The following XKR7 variants were observed in gnomAD, a reference collection of about 807,000 sequenced individuals.
XKR7 encodes XK related 7.
In XKR7, 11 loss-of-function variants were observed where a neutral mutation model predicts 42.2. The observed-to-expected ratio is 0.26, with a 90% CI of 0.16 to 0.43. The LOEUF is 0.43. Among genes scored for constraint, XKR7 ranks in the 20% least tolerant of loss-of-function variants. XKR7 has a pLI of 1.00. For synonymous variants in XKR7, 346 were observed against 366.4 expected, an observed-to-expected ratio of 0.94 and a Z score of 0.64; for missense variants, 710 against 802.2, an observed-to-expected ratio of 0.89 and a Z score of 1.39.
intron 1 of XKR7, chr20:31,970,812 C>G (rs927603792): frequency 6.6e-6 from 1 of 152,214 alleles, no homozygotes; most frequent in Non-Finnish European, 1.5e-5. Context: ...TTATTAAACA[C>G]TGACTTTGTG....
rs1264166306 is a variant in XKR7, at chr20:31,968,583, A to G, written c.408A>G (p.Gly136=). 2 of 1,609,022 alleles carry G rather than the reference A, an allele frequency of 1.2e-6. No individual in the cohort carries two copies. Among genetic ancestry groups the G allele is most frequent in the East Asian group, 4.5e-5 (2 of 44,708 alleles). ...GCACCAAGGACAGCGTAGCCGGCGG[A>G]GCCGCCATCAGCACCAAGGACAGCG... ...AVSTKDSVAG[G]AAISTKDSAG... is the part of the protein sequence containing the mutation. The change falls in exon 1 of 3, where the codon GGA becomes GGG. Residue 136 remains glycine (G), a synonymous_variant. Coordinates refer to ENST00000562532, the MANE Select transcript of XKR7 (RefSeq NM_001011718.2). This position sits in a 1 kb window ranked among gnomAD's most constrained non-coding sequence, Gnocchi z 4.5.
At chr20:31,976,382 T>G (rs2064484968) in intron 1 of XKR7, among the ~76,000 whole-genome samples, 1 of 152,122 alleles carries the variant, frequency 6.6e-6, no homozygotes, top group African/African-American at 2.4e-5. Context: ...AAAAGTATTT[T>G]TATTTTTTTT....
At position 32,001,065 on chromosome 20, in the gene XKR7, G is replaced by A. The variant is rs567017757; in HGVS notation, c.*3608G>A. The A allele has an allele frequency of 2.0e-5, 3 of 152,382 alleles. No individual in the cohort carries two copies. The highest frequency in any genetic ancestry group is 7.2e-5 in the African/African-American group (3 of 41,558). 9.4% of individuals were successfully genotyped at this position (152,382 alleles called of 1,614,324 possible). A position where few individuals can be genotyped will look rare whatever the true frequency, so the allele number is the denominator to read the frequency against. ...GGCCTGGGGAAAGTCCAGGCCTCTG[G>A]ATAAGGGCTGAGGGAGCTGGGAATA... is the stretch of plus-strand genomic sequence containing the variant. On this transcript the variant is annotated 3_prime_UTR_variant, in exon 3 of 3. Coordinates refer to ENST00000562532, the MANE Select transcript of XKR7 (RefSeq NM_001011718.2).
chr20:31,977,569 T>TA (rs2064491154), intron 1 of XKR7, among the ~76,000 whole-genome samples: 1 of 152,148 alleles, frequency 6.6e-6, no homozygotes, highest in South Asian at 2.1e-4. Context: ...TGTCACATAG[T>TA]ATATGCCCAG....
chr20:31,984,314 A>G (rs2122264748), intron 1 of XKR7, among the ~76,000 whole-genome samples: 1 of 152,022 alleles, frequency 6.6e-6, no homozygotes, highest in South Asian at 2.1e-4. Flanking sequence ...GGAGTTTACA[A>G]GATCCCCCTG....
intron 1 of XKR7, among the ~76,000 whole-genome samples, chr20:31,974,994 TG>T (rs1297656766): frequency 6.6e-6 from 1 of 152,094 alleles, no homozygotes; most frequent in African/African-American, 2.4e-5. Flanking sequence ...CGGCGGCGGT[TG>T]GGCCCAGCGT....
chr20:32,001,849 G>C lies in XKR7; in HGVS notation c.*4392G>C, dbSNP rs1165102687. ...TCAAGCTGTGGTGGGGCCTGCAGTA[G>C]AGGTTGGTAGGGGGAGCTGTAGTTT... On this transcript the variant is annotated 3_prime_UTR_variant, in exon 3 of 3. Transcript: ENST00000562532. 1 of 152,342 alleles carries C rather than the reference G, an allele frequency of 6.6e-6. No individual in the cohort carries two copies. The highest frequency in any genetic ancestry group is 2.4e-5 in the African/African-American group (1 of 41,456). The allele number at this position is 152,342 out of a possible 1,614,324, so 9.4% of individuals were successfully genotyped here. A position where few individuals can be genotyped will look rare whatever the true frequency, so the allele number is the denominator to read the frequency against.
At chr20:31,972,465 C>T (rs1225599287) in intron 1 of XKR7, among the ~76,000 whole-genome samples, 1 of 152,230 alleles carries the variant, frequency 6.6e-6, no homozygotes, top group East Asian at 1.9e-4. Context: ...GTGGCCTGGA[C>T]ACCAACCTGC....
At chr20:31,988,881 T>C (rs1397570053) in intron 1 of XKR7, among the ~76,000 whole-genome samples, 1 of 152,076 alleles carries the variant, frequency 6.6e-6, no homozygotes. Context: ...CAGAGCCCTG[T>C]AAGGTCAGGA....
chr20:31,984,261 C>CAA (rs58935647), intron 1 of XKR7, among the ~76,000 whole-genome samples: 9,814 of 146,462 alleles, frequency 0.067, 387 homozygotes, highest in Admixed American at 0.11. Flanking sequence ...GACTCCATTT[C>CAA]AAAAAAAAAA....
In XKR7 at chr20:31,995,782, C is replaced by G. The variant is rs1380003627; in HGVS notation, c.787+512C>G. Among the ~76,000 whole-genome samples, 2 of 152,036 alleles carry G rather than the reference C, an allele frequency of 1.3e-5. No homozygotes were observed. Among genetic ancestry groups the G allele is most frequent in the African/African-American group, 4.8e-5 (2 of 41,374 alleles). On this transcript the variant is annotated intron_variant, in intron 2 of 2. Transcript: ENST00000562532. The surrounding 1 kb of genome is among the most constrained non-coding windows in gnomAD (Gnocchi z 4.1). ...TAGTCCTGGCACCCATCCCCTCCTC[C>G]TCCCTACAGGCCCTGTTAATTTCCC... is the stretch of plus-strand genomic sequence containing the variant.
chr20:31,981,201 C>CA (rs113760677), intron 1 of XKR7, among the ~76,000 whole-genome samples: 5,973 of 122,050 alleles, frequency 0.049, 311 homozygotes, highest in African/African-American at 0.14. Context: ...CCTGTCTCTA[C>CA]AAAAAAAAAA....
intron 1 of XKR7, among the ~76,000 whole-genome samples, chr20:31,974,086 G>A (rs763119593): frequency 3.3e-5 from 5 of 152,132 alleles, no homozygotes; most frequent in Non-Finnish European, 7.4e-5. Context: ...CCAGCTACTC[G>A]GGAGGCGGAG....
chr20:31,978,076 C>T (rs758420706), intron 1 of XKR7, among the ~76,000 whole-genome samples: 6 of 152,086 alleles, frequency 3.9e-5, no homozygotes, highest in South Asian at 2.1e-4. Flanking sequence ...TGGTTTGGTC[C>T]GCAAAGGACT....
intron 1 of XKR7, among the ~76,000 whole-genome samples, chr20:31,984,972 C>G (rs1164801914): frequency 6.6e-6 from 1 of 152,108 alleles, no homozygotes; most frequent in Non-Finnish European, 1.5e-5. Flanking sequence ...GTCCCTGCTT[C>G]GAAGATTTGT....
chr20:31,979,134 CAA>C lies in XKR7; in HGVS notation c.584+10389_584+10390del, dbSNP rs34871534. 7.9e-4 allele frequency among the ~76,000 whole-genome samples: 104 copies of C among 131,834 alleles called. No homozygotes were observed. In the Middle Eastern group the frequency reaches 0.012, roughly 15 times the overall value. The allele number at this position is 131,834 out of a possible 152,430, so 86.5% of individuals were successfully genotyped here. On this transcript the variant is annotated intron_variant, in intron 1 of 2. Transcript: ENST00000562532. ...TGGGCGACAGAGTGAGACTCTGTCT[CAA>C]AAAAAAAAAAAAATTGTTAAAATAT... is the stretch of plus-strand genomic sequence containing the variant.
chr20:31,969,813 T>G lies in XKR7; in HGVS notation c.584+1054T>G, dbSNP rs546662078. Among the ~76,000 whole-genome samples the G allele has an allele frequency of 2.0e-5, 3 of 152,338 alleles. No homozygotes were observed. In the South Asian group the frequency reaches 6.2e-4, roughly 32 times the overall value. On this transcript the variant is annotated intron_variant, in intron 1 of 2. Coordinates refer to ENST00000562532, the MANE Select transcript of XKR7 (RefSeq NM_001011718.2). ...GAGGGCCCTGCAGACTGTAACATTT[T>G]AAGAGTGTGGGGAAAGCATGGAAAA...
chr20:31,993,259 G>T (rs1004977315), intron 1 of XKR7, among the ~76,000 whole-genome samples: 8 of 152,158 alleles, frequency 5.3e-5, no homozygotes, highest in South Asian at 2.1e-4. Context: ...TGGGAAGGTG[G>T]CAGGGTCTGT....
At chr20:31,978,595 G>A (rs1477233684) in intron 1 of XKR7, among the ~76,000 whole-genome samples, 1 of 152,154 alleles carries the variant, frequency 6.6e-6, no homozygotes, top group Non-Finnish European at 1.5e-5. Flanking sequence ...TCCTATATCT[G>A]CACTATCCAA....
Sources: gnomAD v4.1 joint callset for allele counts (sites outside exome capture counted in the v4.1 genomes callset) on GRCh38, gnomAD v4.1.1 for gene constraint, Gnocchi (gnomAD v3.1) non-coding constraint, MANE v1.5 for transcripts, NCBI Gene and HGNC (gene_info 2026-07-23, HGNC 2026-07-21) for gene names.